The following ANKLE2 variants were observed in gnomAD, a reference collection of about 807,000 sequenced individuals.
The protein encoded by ANKLE2 is ankyrin repeat and LEM domain containing 2, also known as ankyrin repeat and LEM domain-containing protein 2.
Under a neutral mutation model 84.2 loss-of-function variants are expected in ANKLE2, and 55 were observed. The observed-to-expected ratio is 0.65, with a 90% CI of 0.53 to 0.82. The LOEUF (loss-of-function observed/expected upper bound fraction) is 0.82. Ranked by LOEUF, ANKLE2 falls within the 40% of genes least tolerant of loss-of-function variation. The pLI is 0.00. For synonymous variants in ANKLE2, 551 were observed against 486.1 expected (o/e 1.13, Z -1.76); for missense variants, 1,238 against 1,201.9 (o/e 1.03, Z -0.44).
intron 12 of ANKLE2, 99 bp from the exon 13 acceptor site, chr12:132,727,542 C>T (rs1041903399): frequency 2.6e-5 from 35 of 1,365,468 alleles, no homozygotes; most frequent in Non-Finnish European, 3.5e-5. Flanking sequence ...GCACATGCGC[C>T]CGGGCGGAGG....
At chr12:132,734,093 A>C in intron 10 of ANKLE2, 1 of 508,960 alleles carries the variant, frequency 2.0e-6, no homozygotes, top group Admixed American at 2.3e-5. Flanking sequence ...AAAAATACGA[A>C]AATTAGCCAG....
intron 11 of ANKLE2, among the ~76,000 whole-genome samples, chr12:132,728,727 G>A (rs536066867): frequency 5.9e-5 from 9 of 152,310 alleles, no homozygotes; most frequent in African/African-American, 1.7e-4. Context: ...GGGCCAGGGA[G>A]GAGTCGCCTC....
intron 2 of ANKLE2, among the ~76,000 whole-genome samples, chr12:132,753,026 G>A (rs2044391659): frequency 6.6e-6 from 1 of 151,434 alleles, no homozygotes; most frequent in Non-Finnish European, 1.5e-5. Context: ...TTACCTAGGT[G>A]TGGCCAGGCG....
rs2043693155 is a variant in ANKLE2 at position 132,726,039 on chromosome 12, A to G, written c.*1203T>C. On this transcript the variant is annotated 3_prime_UTR_variant, in exon 13 of 13. Transcript: ENST00000357997. ...TCCTGCGTCTACTTAATATCCCTGTATATCCTCAAAAAGCAAGTTCAGGAA... is the reference window on the plus strand; with the variant it reads ...TCCTGCGTCTACTTAATATCCCTGTGTATCCTCAAAAAGCAAGTTCAGGAA... 6.6e-6 allele frequency: 1 copy of G among 152,240 alleles called. No individual in the cohort carries two copies. The highest frequency in any genetic ancestry group is 1.5e-5 in the Non-Finnish European group (1 of 68,044). The allele number at this position is 152,240 out of a possible 1,614,324, so 9.4% of individuals were successfully genotyped here. A position where few individuals can be genotyped will look rare whatever the true frequency, so the allele number is the denominator to read the frequency against.
At chr12:132,735,087 T>C (rs924154845) in intron 9 of ANKLE2, 14 of 338,922 alleles carry the variant, frequency 4.1e-5, no homozygotes, top group Middle Eastern at 8.8e-4. Context: ...GCCTATTTTT[T>C]CCCAAGGAAT....
At chr12:132,755,397 T>G in intron 1 of ANKLE2, 2 of 291,318 alleles carry the variant, frequency 6.9e-6, no homozygotes, top group Non-Finnish European at 1.3e-5. Flanking sequence ...TACAAAAAAT[T>G]AGCCGGGTGT....
intron 6 of ANKLE2, chr12:132,742,600 T>C (rs80024823): frequency 0.033 from 5,047 of 152,412 alleles, 115 homozygotes; most frequent in East Asian, 0.08. Context: ...TGAAGGCTTG[T>C]CTGGGTCCGA....
intron 10 of ANKLE2, chr12:132,733,989 C>T (rs897611714): frequency 2.2e-6 from 1 of 459,734 alleles, no homozygotes; most frequent in Non-Finnish European, 4.4e-6. Context: ...ACCCATTTAA[C>T]ATTAACCTTC....
rs1566037889 is a variant in ANKLE2 at position 132,755,134 on chromosome 12, C to CTAGG, written c.182-5_182-2dup. 6.3e-7 allele frequency: 1 copy of CTAGG among 1,593,836 alleles called. No individual in the cohort carries two copies. The highest frequency in any genetic ancestry group is 2.2e-5 in the East Asian group (1 of 44,800). ...AACAGAGCATCCATTGTCATTTCAC[C>CTAGG]TAGGCCCAAGACAAAAAAATCAAAG... On this transcript the variant is annotated splice_acceptor_variant, in intron 1 of 12. Coordinates refer to ENST00000357997, the MANE Select transcript of ANKLE2 (RefSeq NM_015114.3). LOFTEE classifies it high-confidence loss of function.
At chr12:132,733,063 T>C (rs2043921193) in intron 10 of ANKLE2, among the ~76,000 whole-genome samples, 1 of 147,118 alleles carries the variant, frequency 6.8e-6, no homozygotes, top group African/African-American at 2.5e-5. Context: ...TGAAGCGCTC[T>C]GCATGCTGGT....
Position 132,741,439 on chromosome 12 carries a change from C to T in ANKLE2, c.1400G>A (p.Arg467Gln), listed in dbSNP as rs372052772. The T allele has an allele frequency of 9.8e-5, 158 of 1,614,200 alleles. 4 individuals carry two copies. Among genetic ancestry groups the T allele is most frequent in the East Asian group, 5.3e-4 (24 of 44,882 alleles). The change falls in exon 7 of 13, where the codon CGG (arginine) becomes CAG (glutamine). Residue 467 changes from arginine to glutamine, a missense_variant. By Grantham distance (43) the Arg-to-Gln change is conservative. Around this residue, in one of 3 missense-constraint regions of ANKLE2, gnomAD observed 802 missense variants for 774.5 expected, o/e 1.04. Coordinates refer to ENST00000357997, the MANE Select transcript of ANKLE2 (RefSeq NM_015114.3). ...CTTACCCTTTAAATACTCTCTGATC[C>T]GCTCCTTCAGTTCCACAGATTTATT... Reference protein sequence around the residue: ...SKNKSVELKERIREYLKGHYY... With the variant: ...SKNKSVELKEQIREYLKGHYY...
At position 132,734,369 on chromosome 12, in the gene ANKLE2, G is replaced by T. The variant is rs770542071; in HGVS notation, c.1891+16C>A. 5.6e-6 allele frequency: 9 copies of T among 1,612,610 alleles called. No individual in the cohort carries two copies. The highest frequency in any genetic ancestry group is 7.6e-6 in the Non-Finnish European group (9 of 1,179,570). On this transcript the variant is annotated intron_variant, in intron 10 of 12. Coordinates refer to ENST00000357997, the MANE Select transcript of ANKLE2 (RefSeq NM_015114.3). ...GGCCCCTCCCAGCTGCCACAGCCACGCCTGCACATGCTTACCAGACGTGGT... is the reference window on the plus strand; with the variant it reads ...GGCCCCTCCCAGCTGCCACAGCCACTCCTGCACATGCTTACCAGACGTGGT...
chr12:132,747,480 C>A (rs1593168964), intron 5 of ANKLE2, among the ~76,000 whole-genome samples: 1 of 152,210 alleles, frequency 6.6e-6, no homozygotes, highest in East Asian at 1.9e-4. Context: ...ACACTGAGGG[C>A]CTGCCTGTGG....
intron 6 of ANKLE2, chr12:132,742,202 C>T (rs1244678996): frequency 6.1e-6 from 1 of 163,848 alleles, no homozygotes; most frequent in Non-Finnish European, 1.3e-5. Flanking sequence ...CACACACACA[C>T]ACACACACAC....
rs909860372 is a variant in ANKLE2, at chr12:132,761,457, C to G, written c.181+161G>C. On this transcript the variant is annotated intron_variant, in intron 1 of 12. Transcript: ENST00000357997. Reference sequence around the variant, plus strand: ...AGCCAAGTCCCCGCAACTGCCCTTTCCGCGGCCGGAATGGCCTTTCCCGAC... The same window carrying G: ...AGCCAAGTCCCCGCAACTGCCCTTTGCGCGGCCGGAATGGCCTTTCCCGAC... The G allele has an allele frequency of 2.2e-5, 13 of 602,852 alleles. No homozygotes were observed. The African/African-American group carries it at 2.5e-4, about 12-fold the overall frequency. The allele number at this position is 602,852 out of a possible 1,614,324, so 37.3% of individuals were successfully genotyped here. A position where few individuals can be genotyped will look rare whatever the true frequency, so the allele number is the denominator to read the frequency against.
intron 4 of ANKLE2, 23 bp downstream of exon 4, chr12:132,748,115 C>T: frequency 6.2e-7 from 1 of 1,609,124 alleles, no homozygotes; most frequent in Non-Finnish European, 8.5e-7. Context: ...GCACACCTGC[C>T]CGAGGGAACC....
rs771705907 is a variant in ANKLE2, at chr12:132,730,171, G to A, written c.1991C>T (p.Pro664Leu). 3 of 1,608,912 alleles carry A rather than the reference G, an allele frequency of 1.9e-6. No individual in the cohort carries two copies. In the South Asian group the frequency reaches 3.3e-5, roughly 18 times the overall value. Residue 664 changes from proline to leucine, a missense_variant, in exon 11 of 13, where the codon CCC becomes CTC. Physicochemically the swap from Pro to Leu is moderately conservative, Grantham distance 98 (BLOSUM62 -3). Around this residue, in one of 3 missense-constraint regions of ANKLE2, gnomAD observed 802 missense variants for 774.5 expected, o/e 1.04. Coordinates refer to ENST00000357997, the MANE Select transcript of ANKLE2 (RefSeq NM_015114.3). ...CGTATGTCCAAAAGCACCGACTGTG[G>A]GCGGGCTGTTATTTCGAGCTGCATT... is the stretch of plus-strand genomic sequence containing the variant. ...RQNAARNNSP[P>L]TVGAFGHTRC...
chr12:132,751,529 C>T (rs925443216), intron 2 of ANKLE2, among the ~76,000 whole-genome samples: 4 of 151,832 alleles, frequency 2.6e-5, no homozygotes, highest in Non-Finnish European at 5.9e-5. Context: ...GTGTCAGCCA[C>T]GGCGCCCAGC....
At chr12:132,742,210 CACACACACACAA>C (rs1474784972) in intron 6 of ANKLE2, 10 of 164,082 alleles carry the variant, frequency 6.1e-5, no homozygotes, top group Non-Finnish European at 1.3e-4. Context: ...CACACACACA[CACACACACACAA>C]AAAGAATCAC....
Sources: allele counts gnomAD v4.1 joint callset (sites outside exome capture counted in the v4.1 genomes callset), GRCh38; gene constraint gnomAD v4.1.1; regional missense constraint gnomAD v4.1.1; transcripts MANE v1.5; gene names NCBI Gene and HGNC (gene_info 2026-07-23, HGNC 2026-07-21).